RETREG1: variants seen among roughly 807,000 people sequenced by gnomAD.
RETREG1 encodes family with sequence similarity 134 member B.
In RETREG1, 44 loss-of-function variants were observed where a neutral mutation model predicts 54.8. The observed-to-expected ratio is 0.80, with a 90% CI of 0.63 to 1.03. The LOEUF (loss-of-function observed/expected upper bound fraction) is 1.03. Among genes scored for constraint, RETREG1 ranks in the 50% least tolerant of loss-of-function variants. The pLI is 0.00. For synonymous variants in RETREG1, 217 were observed against 238.5 expected (o/e 0.91, Z 0.83); for missense variants, 554 against 605.1 (o/e 0.92, Z 0.89).
In RETREG1 at chr5:16,474,696, A is replaced by ATTTTTTTTGT; in HGVS notation, c.*44_*45insACAAAAAAAA. On this transcript the variant is annotated 3_prime_UTR_variant, in exon 9 of 9. Coordinates refer to ENST00000306320, the MANE Select transcript of RETREG1 (RefSeq NM_001034850.3). ...TTTTTTTTTTTTTTTCTTGTTTGAA[A>ATTTTTTTTGT]TTTTTTTGGTGTTTTTTGTGCTCTG... The ATTTTTTTTGT allele has an allele frequency of 3.3e-6, 5 of 1,521,902 alleles. No homozygotes were observed. The highest frequency in any genetic ancestry group is 1.3e-5 in the South Asian group (1 of 76,542). The allele number at this position is 1,521,902 out of a possible 1,614,324, so 94.3% of individuals were successfully genotyped here.
chr5:16,606,469 C>T (rs1036150369), intron 1 of RETREG1, among the ~76,000 whole-genome samples: 3 of 152,186 alleles, frequency 2.0e-5, no homozygotes, highest in African/African-American at 7.2e-5. Flanking sequence ...GAGAGTCAGT[C>T]TGTGTCACTG....
chr5:16,556,633 T>C (rs1741716080), intron 3 of RETREG1, among the ~76,000 whole-genome samples: 1 of 152,120 alleles, frequency 6.6e-6, no homozygotes, highest in Non-Finnish European at 1.5e-5. Context: ...GAGTATTACA[T>C]CATTGATAAG....
intron 3 of RETREG1, among the ~76,000 whole-genome samples, chr5:16,495,756 G>C (rs1264267709): frequency 6.6e-6 from 1 of 151,638 alleles, no homozygotes; most frequent in Admixed American, 6.6e-5. Flanking sequence ...AGCCGAGATT[G>C]CACCACTGCA....
intron 3 of RETREG1, among the ~76,000 whole-genome samples, chr5:16,518,074 TTATC>T (rs1362299833): frequency 6.7e-6 from 1 of 148,818 alleles, no homozygotes. Context: ...ATTTATATAT[TTATC>T]TACATACTAT....
intron 3 of RETREG1, among the ~76,000 whole-genome samples, chr5:16,541,368 C>T (rs761495989): frequency 2.6e-5 from 4 of 152,168 alleles, no homozygotes; most frequent in Admixed American, 6.5e-5. Flanking sequence ...CGAACTGCCT[C>T]GATTTCACAT....
chr5:16,549,327 A>C (rs1248974117), intron 3 of RETREG1, among the ~76,000 whole-genome samples: 1 of 152,182 alleles, frequency 6.6e-6, no homozygotes, highest in African/African-American at 2.4e-5. Context: ...CACAGAGAGC[A>C]CAAACAAACT....
At chr5:16,499,037 T>C (rs1272474664) in intron 3 of RETREG1, among the ~76,000 whole-genome samples, 1 of 151,966 alleles carries the variant, frequency 6.6e-6, no homozygotes, top group Non-Finnish European at 1.5e-5. Flanking sequence ...TTTTTATCTT[T>C]GTTTTATAAG....
chr5:16,577,923 G>A (rs1579702440), intron 1 of RETREG1, among the ~76,000 whole-genome samples: 2 of 152,288 alleles, frequency 1.3e-5, no homozygotes, highest in African/African-American at 2.4e-5. Context: ...GTGGAACTGT[G>A]AGTCCATGAA....
chr5:16,518,190 T>C (rs968811267), intron 3 of RETREG1, among the ~76,000 whole-genome samples: 2 of 148,120 alleles, frequency 1.4e-5, no homozygotes, highest in African/African-American at 4.9e-5. Flanking sequence ...ATAGTGATTA[T>C]ATATAAATGT....
At chr5:16,486,402 T>C (rs1397446098) in intron 3 of RETREG1, among the ~76,000 whole-genome samples, 1 of 152,354 alleles carries the variant, frequency 6.6e-6, no homozygotes, top group African/African-American at 2.4e-5. Flanking sequence ...CTGAGTACCA[T>C]AGGAACTCAC....
At chr5:16,492,083 G>A (rs948304804) in intron 3 of RETREG1, among the ~76,000 whole-genome samples, 8 of 152,006 alleles carry the variant, frequency 5.3e-5, no homozygotes, top group East Asian at 1.9e-4. Flanking sequence ...GGGCCCTGAC[G>A]AATATCCAAC....
intron 1 of RETREG1, among the ~76,000 whole-genome samples, chr5:16,575,935 T>C (rs1331738477): frequency 1.3e-5 from 2 of 152,138 alleles, no homozygotes; most frequent in African/African-American, 4.8e-5. Flanking sequence ...CTTCAAAATA[T>C]GTAGCTGAGT....
intron 1 of RETREG1, among the ~76,000 whole-genome samples, chr5:16,601,801 T>C (rs1269663384): frequency 1.3e-5 from 2 of 152,100 alleles, no homozygotes; most frequent in Non-Finnish European, 2.9e-5. Flanking sequence ...GAAAAAAATA[T>C]CAACAGAGGT....
chr5:16,616,482 T>C (rs1374259824), intron 1 of RETREG1, 170 bp downstream of exon 1: 6 of 1,172,816 alleles, frequency 5.1e-6, no homozygotes, highest in Middle Eastern at 2.9e-4. Context: ...CGGAGGAAAG[T>C]TGCGGTGAGT....
chr5:16,523,255 G>A (rs338334), intron 3 of RETREG1, among the ~76,000 whole-genome samples: 39,292 of 151,864 alleles, frequency 0.26, 5,423 homozygotes, highest in East Asian at 0.4. Flanking sequence ...GTTTTGTTTT[G>A]TTTTTTTCTT....
intron 3 of RETREG1, among the ~76,000 whole-genome samples, chr5:16,546,575 C>T (rs1037807491): frequency 6.6e-6 from 1 of 152,176 alleles, no homozygotes; most frequent in Non-Finnish European, 1.5e-5. Flanking sequence ...GAGACACATG[C>T]TTATAACAGG....
chr5:16,510,097 T>C (rs916195180), intron 3 of RETREG1, among the ~76,000 whole-genome samples: 9 of 152,286 alleles, frequency 5.9e-5, no homozygotes, highest in Non-Finnish European at 8.8e-5. Flanking sequence ...CTATATTTAA[T>C]GTATATTTTA....
At chr5:16,583,493 A>G (rs780182226) in intron 1 of RETREG1, among the ~76,000 whole-genome samples, 1 of 152,138 alleles carries the variant, frequency 6.6e-6, no homozygotes, top group Admixed American at 6.5e-5. Context: ...ACTCTGTCTC[A>G]ATATATATAT....
intron 3 of RETREG1, among the ~76,000 whole-genome samples, chr5:16,522,991 G>A (rs537412939): frequency 6.6e-6 from 1 of 151,958 alleles, no homozygotes; most frequent in South Asian, 2.1e-4. Context: ...GGGCAATGCT[G>A]TCTCCAAAAG....
Sources: gnomAD v4.1 joint callset for allele counts (sites outside exome capture counted in the v4.1 genomes callset) on GRCh38, gnomAD v4.1.1 for gene constraint, MANE v1.5 for transcripts, NCBI Gene and HGNC (gene_info 2026-07-23, HGNC 2026-07-21) for gene names.